Variants in DST observed in about 807,000 individuals in gnomAD.
DST encodes bullous pemphigoid antigen.
DST carries 253 observed loss-of-function variants against 875.2 expected under a neutral mutation model. That is an observed-to-expected ratio of 0.29 (90% CI 0.26 to 0.32). The LOEUF is 0.32. DST is among the 10% of genes least tolerant of loss of function. DST has a pLI of 1.00. For synonymous variants in DST, 3,124 were observed against 3,197.1 expected, an observed-to-expected ratio of 0.98 and a Z score of 0.77; for missense variants, 8,287 against 9,111.6, an observed-to-expected ratio of 0.91 and a Z score of 3.68.
At chr6:56,754,057 C>G (rs2099595565) in intron 4 of DST, among the ~76,000 whole-genome samples, 1 of 152,064 alleles carries the variant, frequency 6.6e-6, no homozygotes, top group East Asian at 1.9e-4. Flanking sequence ...CACTTCATAC[C>G]ACTGATAATG....
At chr6:56,466,301 T>A (rs2094572925) in intron 98 of DST, 106 bp from the exon 99 acceptor site, 3 of 716,754 alleles carry the variant, frequency 4.2e-6, no homozygotes, top group South Asian at 5.7e-5. Flanking sequence ...AATTTCTTGC[T>A]TAGTTCATAG....
At chr6:56,474,102 T>C (rs1171920267) in intron 92 of DST, 100 bp from the exon 93 acceptor site, 1 of 1,042,134 alleles carries the variant, frequency 9.6e-7, no homozygotes, top group Non-Finnish European at 1.4e-6. Flanking sequence ...CATGTTATTA[T>C]TTCTGAAGAA....
chr6:56,839,108 G>T (rs1020165091), intron 4 of DST, among the ~76,000 whole-genome samples: 21 of 152,146 alleles, frequency 1.4e-4, no homozygotes, highest in African/African-American at 5.1e-4. Context: ...TGCAGATAGA[G>T]ATGGCCCCTG....
chr6:56,614,497 A>G lies in DST; in HGVS notation c.4930-13T>C, dbSNP rs1390438933. The stretch of plus-strand genomic sequence containing the variant: ...CTTCCAGTGACTTCTGACAGTTGTG[A>G]GCGGTAAGAAAAATATACACTGCAT... On this transcript the variant is annotated splice_polypyrimidine_tract_variant and intron_variant, in intron 36 of 103. Transcript: ENST00000680361. 1.0e-5 allele frequency: 16 copies of G among 1,588,920 alleles called. No individual in the cohort carries two copies. Among genetic ancestry groups the G allele is most frequent in the Non-Finnish European group, 1.4e-5 (16 of 1,168,990 alleles).
At chr6:56,574,847 ATGCT>A (rs1247275553) in intron 50 of DST, among the ~76,000 whole-genome samples, 1 of 152,136 alleles carries the variant, frequency 6.6e-6, no homozygotes, top group African/African-American at 2.4e-5. Context: ...TTATTTCTGA[ATGCT>A]TTAGTCTTAT....
intron 5 of DST, among the ~76,000 whole-genome samples, chr6:56,710,600 TA>T (rs2099359395): frequency 6.6e-6 from 1 of 152,068 alleles, no homozygotes; most frequent in Admixed American, 6.6e-5. Flanking sequence ...AAAATAGAGG[TA>T]ACATAAATAT....
chr6:56,555,420 C>T lies in DST; in HGVS notation c.15061G>A (p.Glu5021Lys). The T allele has an allele frequency of 6.2e-7, 1 of 1,613,560 alleles. No individual in the cohort carries two copies. Among genetic ancestry groups the T allele is most frequent in the Non-Finnish European group, 8.5e-7 (1 of 1,179,672 alleles). The change falls in exon 60 of 104, where the codon GAG becomes AAG. Residue 5021 changes from glutamate to lysine, a missense_variant. Glu to Lys is a moderately conservative substitution (Grantham distance 56). Transcript: ENST00000680361. Reference protein sequence around the residue: ...CEDLSALVKEEYLKAELSRQL... With the variant: ...CEDLSALVKEKYLKAELSRQL... ...CTACTAAGTTCTGCTTTCAAGTACT[C>T]TTCTTTAACCAGTGCTGACAAATCC...
intron 4 of DST, among the ~76,000 whole-genome samples, chr6:56,781,161 T>C (rs2099692902): frequency 6.6e-6 from 1 of 152,246 alleles, no homozygotes; most frequent in Admixed American, 6.5e-5. Flanking sequence ...GGTAGCGTGA[T>C]GCCTCCAGCT....
intron 5 of DST, among the ~76,000 whole-genome samples, chr6:56,729,748 G>C (rs2099489402): frequency 6.6e-6 from 1 of 152,034 alleles, no homozygotes; most frequent in Non-Finnish European, 1.5e-5. Context: ...TGTGTTCTCA[G>C]CTTGAGGATT....
intron 10 of DST, among the ~76,000 whole-genome samples, chr6:56,659,704 T>C (rs1021091324): frequency 6.6e-6 from 1 of 152,126 alleles, no homozygotes; most frequent in Admixed American, 6.5e-5. Context: ...AGGAATGATA[T>C]AAGGTAGTAG....
intron 4 of DST, among the ~76,000 whole-genome samples, chr6:56,738,903 G>A (rs150162009): frequency 6.2e-4 from 95 of 152,070 alleles, no homozygotes; most frequent in African/African-American, 2.2e-3. Context: ...GATTATAGGC[G>A]TGAACCACTG....
chr6:56,500,430 T>G (rs2096080603), intron 80 of DST, among the ~76,000 whole-genome samples: 1 of 152,112 alleles, frequency 6.6e-6, no homozygotes, highest in Non-Finnish European at 1.5e-5. Context: ...TAAGACAAAA[T>G]TTTTTCAACT....
intron 5 of DST, among the ~76,000 whole-genome samples, chr6:56,722,467 T>C (rs2099423777): frequency 6.6e-6 from 1 of 152,200 alleles, no homozygotes; most frequent in Non-Finnish European, 1.5e-5. Context: ...CACTGCAACC[T>C]CTGCCTCCCA....
intron 5 of DST, among the ~76,000 whole-genome samples, chr6:56,732,409 T>C (rs1421700905): frequency 2.6e-5 from 4 of 152,212 alleles, no homozygotes; most frequent in Non-Finnish European, 5.9e-5. Flanking sequence ...GAAAACTTTT[T>C]CTAATAATTG....
At position 56,710,604 on chromosome 6, in the gene DST, A is replaced by G. The variant is rs1045465809; in HGVS notation, c.688-6235T>C. 4.6e-5 allele frequency among the ~76,000 whole-genome samples: 7 copies of G among 152,346 alleles called. No individual in the cohort carries two copies. The East Asian group carries it at 1.3e-3, about 29-fold the overall frequency. On this transcript the variant is annotated intron_variant, in intron 5 of 103. Transcript: ENST00000680361. ...GCCTACTTGAAAAAATAGAGGTAAC[A>G]TAAATATCAATATATTAACATATTA...
intron 97 of DST, 168 bp downstream of exon 97, chr6:56,469,715 G>A (rs1216837693): frequency 2.4e-5 from 15 of 618,668 alleles, no homozygotes; most frequent in South Asian, 4.0e-5. Context: ...GCAGGCTGCC[G>A]TTATACAAAT....
At chr6:56,877,650 A>G (rs978842252) in intron 3 of DST, among the ~76,000 whole-genome samples, 1 of 152,214 alleles carries the variant, frequency 6.6e-6, no homozygotes, top group Non-Finnish European at 1.5e-5. Context: ...ATTAATGAAA[A>G]TCTATTCTAA....
intron 28 of DST, 53 bp downstream of exon 28, chr6:56,632,801 A>G (rs1029293325): frequency 1.3e-6 from 2 of 1,496,970 alleles, no homozygotes; most frequent in African/African-American, 2.8e-5. Context: ...AGCAAAAAAT[A>G]GCCAGAACTA....
chr6:56,560,725 G>T (rs2097525208), intron 57 of DST, among the ~76,000 whole-genome samples: 2 of 152,092 alleles, frequency 1.3e-5, no homozygotes, highest in Admixed American at 1.3e-4. Flanking sequence ...AAAGCAAGAT[G>T]ATATCAGTAA....
Sources: gnomAD v4.1 joint callset for allele counts (sites outside exome capture counted in the v4.1 genomes callset) on GRCh38, gnomAD v4.1.1 for gene constraint, MANE v1.5 for transcripts, NCBI Gene and HGNC (gene_info 2026-07-23, HGNC 2026-07-21) for gene names.